The following CCDC178 variants were observed in gnomAD, a reference collection of about 807,000 sequenced individuals.
CCDC178 encodes coiled-coil domain containing 178.
CCDC178 carries 126 observed loss-of-function variants against 117.4 expected under a neutral mutation model. The observed-to-expected ratio is 1.07, with a 90% confidence interval of 0.93 to 1.24. The LOEUF is 1.24. Among genes scored for constraint, CCDC178 ranks in the 50% most tolerant of loss-of-function variants. The probability of loss-of-function intolerance (pLI) is 0.00; values close to 1 mark genes in which losing one functional copy is unlikely to be tolerated. For missense variants in CCDC178, 1,030 were observed against 986.9 expected, an observed-to-expected ratio of 1.04 and a Z score of -0.59; for synonymous variants, 283 against 313.4, an observed-to-expected ratio of 0.90 and a Z score of 1.02.
At position 33,092,861 on chromosome 18, in the gene CCDC178, T is replaced by C. The variant is rs368493349; in HGVS notation, c.2288A>G (p.Tyr763Cys). The C allele has an allele frequency of 2.3e-5, 36 of 1,585,228 alleles. No individual in the cohort carries two copies. The highest frequency in any genetic ancestry group is 2.8e-5 in the Non-Finnish European group (33 of 1,165,894). Residue 763 changes from tyrosine (Y) to cysteine (C), a missense_variant, in exon 21 of 23, where the codon TAT (tyrosine) becomes TGT (cysteine). Physicochemically the swap from Tyr to Cys is radical, Grantham distance 194 (BLOSUM62 -2). Transcript: ENST00000383096. ...TAAGAATGTAATCTGTAGCTGTTGA[T>C]ACTCTTGAGCTAAACGCAGATTTTC... ...LEENLRLAQE[Y>C]QQLQITFLKE...
chr18:33,008,788 T>G (rs1258772308), intron 21 of CCDC178, among the ~76,000 whole-genome samples: 1 of 152,058 alleles, frequency 6.6e-6, no homozygotes, highest in Non-Finnish European at 1.5e-5. Context: ...ATTACCTCAT[T>G]TAGTCTAATG....
intron 2 of CCDC178, among the ~76,000 whole-genome samples, chr18:33,434,952 G>A (rs1414146834): frequency 6.6e-6 from 1 of 151,974 alleles, no homozygotes; most frequent in East Asian, 1.9e-4. Context: ...CCATTATCAG[G>A]TGACATTTTC....
chr18:33,263,981 A>T (rs112186184), intron 14 of CCDC178, among the ~76,000 whole-genome samples: 2 of 152,228 alleles, frequency 1.3e-5, no homozygotes, highest in African/African-American at 4.8e-5. Flanking sequence ...AAGAAGTAGA[A>T]GCAAATTACA....
At chr18:33,279,180 C>T (rs9710047) in intron 12 of CCDC178, among the ~76,000 whole-genome samples, 127,406 of 152,068 alleles carry the variant, frequency 0.84, 54,020 homozygotes, top group South Asian at 0.93. Flanking sequence ...TGTTTGCAGA[C>T]GACATAATTC....
chr18:33,435,945 T>C (rs1204588988), intron 2 of CCDC178, among the ~76,000 whole-genome samples: 1 of 151,936 alleles, frequency 6.6e-6, no homozygotes, highest in Non-Finnish European at 1.5e-5. Flanking sequence ...CACTGAAACT[T>C]CACATATGGG....
chr18:33,127,136 T>A (rs1428808253), intron 20 of CCDC178, among the ~76,000 whole-genome samples: 1 of 151,884 alleles, frequency 6.6e-6, no homozygotes, highest in African/African-American at 2.4e-5. Context: ...AGTTTTTATT[T>A]TTTAGATTTA....
chr18:32,971,136 G>A (rs1450869166), intron 22 of CCDC178, among the ~76,000 whole-genome samples: 1 of 151,574 alleles, frequency 6.6e-6, no homozygotes, highest in Admixed American at 6.6e-5. Flanking sequence ...TAAGCCCTGC[G>A]TGCATTAGGT....
chr18:33,358,512 G>A (rs1469495509), intron 6 of CCDC178, among the ~76,000 whole-genome samples: 2 of 151,768 alleles, frequency 1.3e-5, no homozygotes, highest in Non-Finnish European at 1.5e-5. Context: ...GATGTATGAT[G>A]GATATGGTAT....
chr18:33,270,269 T>C (rs2059871499), intron 12 of CCDC178, among the ~76,000 whole-genome samples: 1 of 151,502 alleles, frequency 6.6e-6, no homozygotes, highest in Non-Finnish European at 1.5e-5. Context: ...CCAATATACA[T>C]ACAAAAGTAA....
At chr18:33,132,194 A>G (rs960599001) in intron 20 of CCDC178, among the ~76,000 whole-genome samples, 6 of 151,770 alleles carry the variant, frequency 4.0e-5, no homozygotes, top group Admixed American at 2.6e-4. Flanking sequence ...TCTGTGATAA[A>G]TAAGTTGTTT....
chr18:33,245,859 T>C (rs1236501446), intron 14 of CCDC178, among the ~76,000 whole-genome samples: 3 of 151,906 alleles, frequency 2.0e-5, no homozygotes, highest in Admixed American at 2.0e-4. Context: ...ACATTTGTGG[T>C]GGCACAATTC....
chr18:33,191,524 G>A (rs904687000), intron 20 of CCDC178, among the ~76,000 whole-genome samples: 3 of 152,016 alleles, frequency 2.0e-5, no homozygotes, highest in Non-Finnish European at 2.9e-5. Flanking sequence ...TTTTCTGAGC[G>A]TTCTATTAAC....
intron 20 of CCDC178, among the ~76,000 whole-genome samples, chr18:33,198,144 G>A (rs1375912156): frequency 6.6e-6 from 1 of 152,142 alleles, no homozygotes. Context: ...TGTGATATTT[G>A]TCAGAGCATC....
At chr18:33,052,050 A>G (rs970806631) in intron 21 of CCDC178, among the ~76,000 whole-genome samples, 2 of 152,214 alleles carry the variant, frequency 1.3e-5, no homozygotes, top group African/African-American at 4.8e-5. Flanking sequence ...GTGCTTTCAG[A>G]TGAGCCTTCC....
chr18:33,085,609 G>T (rs937210951), intron 21 of CCDC178, among the ~76,000 whole-genome samples: 6 of 152,068 alleles, frequency 3.9e-5, no homozygotes, highest in Admixed American at 2.6e-4. Context: ...ATGCTTCATG[G>T]AGTTGTTCAG....
chr18:33,135,492 T>A (rs1015787310), intron 20 of CCDC178, among the ~76,000 whole-genome samples: 2 of 152,266 alleles, frequency 1.3e-5, no homozygotes, highest in African/African-American at 2.4e-5. Flanking sequence ...ATTTTGCTGA[T>A]ACAAAAGTAA....
At chr18:33,147,624 A>G (rs271503) in intron 20 of CCDC178, among the ~76,000 whole-genome samples, 24,210 of 151,254 alleles carry the variant, frequency 0.16, 2,707 homozygotes, top group African/African-American at 0.32. Flanking sequence ...ATCTTGCACC[A>G]CCCTTAATCC....
chr18:33,429,452 G>A (rs1041577811), intron 2 of CCDC178, among the ~76,000 whole-genome samples: 2 of 152,116 alleles, frequency 1.3e-5, no homozygotes. Context: ...AAGTTTTGCA[G>A]AAGTTATAAT....
chr18:32,993,181 A>G (rs1220425521), intron 21 of CCDC178, among the ~76,000 whole-genome samples: 1 of 152,036 alleles, frequency 6.6e-6, no homozygotes, highest in Non-Finnish European at 1.5e-5. Flanking sequence ...AAAAAAAATT[A>G]AGGATTTTGT....
Sources: allele counts gnomAD v4.1 joint callset (sites outside exome capture counted in the v4.1 genomes callset), GRCh38; gene constraint gnomAD v4.1.1; transcripts MANE v1.5; gene names NCBI Gene and HGNC (gene_info 2026-07-23, HGNC 2026-07-21).